The following PLAA variants were observed in gnomAD, a reference collection of about 807,000 sequenced individuals.
The protein encoded by PLAA is phospholipase A2 activating protein.
A neutral mutation model predicts 84.1 loss-of-function variants in PLAA; 48 were observed. The ratio of observed to expected loss-of-function variants is 0.57; its 90% CI spans 0.45 to 0.73. The LOEUF (loss-of-function observed/expected upper bound fraction) is 0.73, where lower values mean the gene tolerates loss of function less well. Among genes scored for constraint, PLAA ranks in the 30% least tolerant of loss-of-function variants. The pLI, the probability that PLAA is intolerant of heterozygous loss-of-function variation, is 0.00. For synonymous variants in PLAA, 392 were observed against 336.6 expected (o/e 1.16, Z -1.80); for missense variants, 903 against 954.7 (o/e 0.95, Z 0.71).
chr9:26,933,120 T>C (rs1279727921), intron 2 of PLAA, among the ~76,000 whole-genome samples: 2 of 151,514 alleles, frequency 1.3e-5, no homozygotes, highest in African/African-American at 4.9e-5. Flanking sequence ...ATACAAAAAT[T>C]AGCTGGGTGT....
intron 1 of PLAA, among the ~76,000 whole-genome samples, chr9:26,936,050 A>T (rs958641312): frequency 6.6e-6 from 1 of 152,122 alleles, no homozygotes; most frequent in African/African-American, 2.4e-5. Flanking sequence ...AGGGATAAAA[A>T]GAATTATATC....
At chr9:26,922,824 A>T (rs910466528) in intron 7 of PLAA, among the ~76,000 whole-genome samples, 9 of 151,954 alleles carry the variant, frequency 5.9e-5, no homozygotes, top group African/African-American at 2.2e-4. Context: ...ATGCCATCAC[A>T]CCTGGCTAAT....
intron 2 of PLAA, among the ~76,000 whole-genome samples, chr9:26,932,402 A>G (rs1484723674): frequency 6.6e-6 from 1 of 152,236 alleles, no homozygotes; most frequent in Admixed American, 6.5e-5. Flanking sequence ...AATCAAAGGC[A>G]ATCTTCTAAC....
intron 1 of PLAA, among the ~76,000 whole-genome samples, chr9:26,944,097 T>C (rs377083539): frequency 7.2e-5 from 11 of 152,188 alleles, no homozygotes; most frequent in South Asian, 6.2e-4. Flanking sequence ...TCTGCCGCCA[T>C]GAATAGATTA....
Position 26,917,097 on chromosome 9 carries a change from C to T in PLAA, c.1486G>A (p.Gly496Ser), listed in dbSNP as rs772814208. 8 of 1,612,860 alleles carry T rather than the reference C, an allele frequency of 5.0e-6. No individual in the cohort carries two copies. The highest frequency in any genetic ancestry group is 6.8e-6 in the Non-Finnish European group (8 of 1,178,978). ...TACATGAATCAAAACTACATCCCACCTGTAAAAGGATCTGCTGTGGGTAGT... is the reference window on the plus strand; with the variant it reads ...TACATGAATCAAAACTACATCCCACTTGTAAAAGGATCTGCTGTGGGTAGT... ...NTLPTADPFT[G>S]AGRYVPGSAS... Residue 496 changes from glycine to serine, a missense_variant and splice_region_variant, in exon 10 of 14, where the codon GGT becomes AGT. Gly to Ser is a moderately conservative substitution (Grantham distance 56). Coordinates refer to ENST00000397292, the MANE Select transcript of PLAA (RefSeq NM_001031689.3).
Position 26,946,902 on chromosome 9 carries a change from TG to T in PLAA, c.143del (p.Pro48GlnfsTer14). On this transcript the variant is annotated frameshift_variant, in exon 1 of 14. Transcript: ENST00000397292. LOFTEE classifies it high-confidence loss of function. ...SRDRTTRLWA[P>X]DSPNRSFTEM... ...ACCCGACTCCCAGCGCTCACCTGTC[TG>T]GGGCCCAGAGGCGGGTGGTGCGGTC... 6.3e-7 allele frequency: 1 copy of T among 1,581,584 alleles called. No individual in the cohort carries two copies. The highest frequency in any genetic ancestry group is 8.6e-7 in the Non-Finnish European group (1 of 1,164,560).
At chr9:26,908,909 A>C (rs1416384442) in intron 12 of PLAA, among the ~76,000 whole-genome samples, 2 of 152,226 alleles carry the variant, frequency 1.3e-5, no homozygotes, top group Non-Finnish European at 2.9e-5. Flanking sequence ...CTGTCAATGA[A>C]ATAGTCAAAG....
intron 4 of PLAA, among the ~76,000 whole-genome samples, chr9:26,926,807 T>C (rs995638592): frequency 4.6e-5 from 7 of 152,088 alleles, no homozygotes; most frequent in African/African-American, 1.7e-4. Context: ...CCTCCAGAAA[T>C]AGTATTTTGA....
Position 26,935,095 on chromosome 9 carries a change from G to C in PLAA, c.261C>G (p.Thr87=). 1 of 1,610,218 alleles carries C rather than the reference G, an allele frequency of 6.2e-7. No individual in the cohort carries two copies. Among genetic ancestry groups the C allele is most frequent in the East Asian group, 2.2e-5 (1 of 44,752 alleles). Residue 87 remains threonine (T), a synonymous_variant, in exon 2 of 14, where the codon ACC becomes ACG. Transcript: ENST00000397292. ...SDIYPHGLIA[T]GGNDHNICIF... ...TGCATATATTGTGGTCATTTCCACCGGTGGCAATTAGGCCATGAGGGTAGA... is the reference window on the plus strand; with the variant it reads ...TGCATATATTGTGGTCATTTCCACCCGTGGCAATTAGGCCATGAGGGTAGA...
chr9:26,933,145 G>A (rs1435448988), intron 2 of PLAA, among the ~76,000 whole-genome samples: 1 of 152,092 alleles, frequency 6.6e-6, no homozygotes, highest in Non-Finnish European at 1.5e-5. Context: ...GCGCGCGCCT[G>A]TAGTCCCAGA....
intron 10 of PLAA, chr9:26,916,531 A>T: frequency 2.0e-6 from 2 of 986,056 alleles, no homozygotes; most frequent in Non-Finnish European, 2.4e-6. Flanking sequence ...ACTCCTGGGT[A>T]GTTGGGTGGA....
intron 5 of PLAA, 137 bp from the exon 6 acceptor site, chr9:26,926,097 C>T: frequency 1.4e-6 from 1 of 695,792 alleles, no homozygotes; most frequent in South Asian, 2.0e-5. Context: ...ATGTTTGTCA[C>T]TTACAACATA....
At position 26,935,208 on chromosome 9, in the gene PLAA, T is replaced by G; in HGVS notation, c.150-2A>C. On this transcript the variant is annotated splice_acceptor_variant, in intron 1 of 13. Transcript: ENST00000397292. LOFTEE classifies it high-confidence loss of function. ...ATTTCTGTAAAGCTCCTGTTTGGACTGGAAAGACAAGATAATTAATAGATA... is the reference window on the plus strand; with the variant it reads ...ATTTCTGTAAAGCTCCTGTTTGGACGGGAAAGACAAGATAATTAATAGATA... 1 of 1,539,382 alleles carries G rather than the reference T, an allele frequency of 6.5e-7. No individual in the cohort carries two copies. The highest frequency in any genetic ancestry group is 8.7e-7 in the Non-Finnish European group (1 of 1,149,160).
At chr9:26,909,810 A>C (rs921764067) in intron 12 of PLAA, among the ~76,000 whole-genome samples, 2 of 151,778 alleles carry the variant, frequency 1.3e-5, no homozygotes, top group Non-Finnish European at 2.9e-5. Context: ...TTTTAGTAGA[A>C]ACGGGGTTTC....
intron 11 of PLAA, among the ~76,000 whole-genome samples, chr9:26,912,735 C>G (rs1344240962): frequency 6.6e-6 from 1 of 152,090 alleles, no homozygotes; most frequent in African/African-American, 2.4e-5. Context: ...ATGACCTCAA[C>G]TTTGCAAATG....
intron 4 of PLAA, among the ~76,000 whole-genome samples, chr9:26,927,418 C>G (rs1825011697): frequency 6.6e-6 from 1 of 152,112 alleles, no homozygotes; most frequent in African/African-American, 2.4e-5. Flanking sequence ...TCACTGCACC[C>G]AGCCAAAAGA....
chr9:26,943,776 C>G (rs548314745), intron 1 of PLAA, among the ~76,000 whole-genome samples: 1 of 151,828 alleles, frequency 6.6e-6, no homozygotes, highest in South Asian at 2.1e-4. Context: ...GTAAGACGCT[C>G]ATCTCTACAA....
chr9:26,912,673 AGTT>A lies in PLAA; in HGVS notation c.1555+1203_1555+1205del, dbSNP rs1824434080. ...ATTACTAAGCATTAATTTGGTAAAA[AGTT>A]ATTTACATAAATTTTATAATTTTAA... On this transcript the variant is annotated intron_variant, in intron 11 of 13. Transcript: ENST00000397292. Among the ~76,000 whole-genome samples the A allele has an allele frequency of 2.0e-5, 3 of 152,218 alleles. No homozygotes were observed. The South Asian group carries it at 6.2e-4, about 32-fold the overall frequency.
chr9:26,913,964 C>G lies in PLAA; in HGVS notation c.1487-17G>C. On this transcript the variant is annotated splice_polypyrimidine_tract_variant and intron_variant, in intron 10 of 13. Coordinates refer to ENST00000397292, the MANE Select transcript of PLAA (RefSeq NM_001031689.3). ...GACCAGCACCTACAATACAATAATACTCCTAGTAAGCAAAGGTGACTGTAA... is the reference window on the plus strand; with the variant it reads ...GACCAGCACCTACAATACAATAATAGTCCTAGTAAGCAAAGGTGACTGTAA... 1 of 1,576,166 alleles carries G rather than the reference C, an allele frequency of 6.3e-7. No homozygotes were observed. Among genetic ancestry groups the G allele is most frequent in the South Asian group, 1.1e-5 (1 of 89,232 alleles).
Sources: allele counts gnomAD v4.1 joint callset (sites outside exome capture counted in the v4.1 genomes callset), GRCh38; gene constraint gnomAD v4.1.1; transcripts MANE v1.5; gene names NCBI Gene and HGNC (gene_info 2026-07-23, HGNC 2026-07-21).